The following TMEM184B variants were observed in gnomAD, a reference collection of about 807,000 sequenced individuals.
TMEM184B encodes the protein putative MAPK-activating protein FM08.
Under a neutral mutation model 41.8 loss-of-function variants are expected in TMEM184B, and 17 were observed. That is an observed-to-expected ratio of 0.41 (90% CI 0.28 to 0.61). The LOEUF is 0.61. TMEM184B is among the 20% of genes least tolerant of loss of function. TMEM184B has a pLI of 0.34. For missense variants in TMEM184B, 393 were observed against 557.8 expected, an observed-to-expected ratio of 0.70 and a Z score of 2.98; for synonymous variants, 240 against 229.5, an observed-to-expected ratio of 1.05 and a Z score of -0.41.
At chr22:38,263,509 C>T (rs1378148626) in intron 1 of TMEM184B, among the ~76,000 whole-genome samples, 2 of 152,310 alleles carry the variant, frequency 1.3e-5, no homozygotes, top group African/African-American at 2.4e-5. Flanking sequence ...ATTATGGCCA[C>T]GCGGTATCCC....
chr22:38,264,796 C>G (rs570073525), intron 1 of TMEM184B, among the ~76,000 whole-genome samples: 1 of 152,240 alleles, frequency 6.6e-6, no homozygotes, highest in South Asian at 2.1e-4. Context: ...AGTCTTCTGC[C>G]CCCGGCCGAG....
chr22:38,246,210 C>G lies in TMEM184B; in HGVS notation c.193-110G>C. On this transcript the variant is annotated intron_variant, in intron 2 of 8. Coordinates refer to ENST00000361906, the MANE Select transcript of TMEM184B (RefSeq NM_012264.5). ...CTCATCTGTGACCCGATGCACGTGA[C>G]CTACCCCTGAGCCTCAGAGCCCTGC... 2.2e-6 allele frequency: 3 copies of G among 1,351,170 alleles called. No individual in the cohort carries two copies. The Admixed American group carries it at 6.6e-5, about 30-fold the overall frequency. The allele number at this position is 1,351,170 out of a possible 1,614,324, so 83.7% of individuals were successfully genotyped here.
intron 1 of TMEM184B, among the ~76,000 whole-genome samples, chr22:38,249,577 T>C (rs1457557703): frequency 6.6e-6 from 1 of 152,168 alleles, no homozygotes; most frequent in Non-Finnish European, 1.5e-5. Flanking sequence ...AGAGCTGCCA[T>C]GCCCCTTCTA....
intron 3 of TMEM184B, among the ~76,000 whole-genome samples, chr22:38,236,197 C>A (rs1033848798): frequency 6.6e-6 from 1 of 152,202 alleles, no homozygotes; most frequent in Admixed American, 6.5e-5. Flanking sequence ...ACTCCTCCAT[C>A]GTTGGAATGA....
At position 38,219,565 on chromosome 22, in the gene TMEM184B, G is replaced by A. The variant is rs2091202915; in HGVS notation, c.*1904C>T. 6 of 978,412 alleles carry A rather than the reference G, an allele frequency of 6.1e-6. No homozygotes were observed. Among genetic ancestry groups the A allele is most frequent in the Non-Finnish European group, 7.3e-6 (6 of 823,506 alleles). The allele number at this position is 978,412 out of a possible 1,614,324, so 60.6% of individuals were successfully genotyped here. A position where few individuals can be genotyped will look rare whatever the true frequency, so the allele number is the denominator to read the frequency against. On this transcript the variant is annotated 3_prime_UTR_variant, in exon 9 of 9. Coordinates refer to ENST00000361906, the MANE Select transcript of TMEM184B (RefSeq NM_012264.5). ...AGACAAGGTAGGTTATGCATCCTAAGGAGGAGGAGGGGATGGAGCGGTCGG... is the reference window on the plus strand; with the variant it reads ...AGACAAGGTAGGTTATGCATCCTAAAGAGGAGGAGGGGATGGAGCGGTCGG...
intron 1 of TMEM184B, among the ~76,000 whole-genome samples, chr22:38,270,906 G>A (rs2092512308): frequency 6.6e-6 from 1 of 152,140 alleles, no homozygotes; most frequent in African/African-American, 2.4e-5. Flanking sequence ...AGACAGAGAG[G>A]GAGCAAACAG....
rs1215391456 is a variant in TMEM184B, at chr22:38,220,894, C to T, written c.*575G>A. Reference sequence around the variant, plus strand: ...GGGGCCTGTGACTCCTGGTGTCTGGCTCTGATCCTTGCAGCATGCCACAGA... The same window carrying T: ...GGGGCCTGTGACTCCTGGTGTCTGGTTCTGATCCTTGCAGCATGCCACAGA... On this transcript the variant is annotated 3_prime_UTR_variant, in exon 9 of 9. Transcript: ENST00000361906. The T allele has an allele frequency of 3.0e-6, 3 of 986,424 alleles. No homozygotes were observed. Among genetic ancestry groups the T allele is most frequent in the Admixed American group, 6.1e-5 (1 of 16,310 alleles). The allele number at this position is 986,424 out of a possible 1,614,324, so 61.1% of individuals were successfully genotyped here.
At position 38,219,589 on chromosome 22, in the gene TMEM184B, G is replaced by T. The variant is rs1006434863; in HGVS notation, c.*1880C>A. ...AGGAGGAGGAGGGGATGGAGCGGTC[G>T]GGCACATGTTCCCGTCCCCACGACC... On this transcript the variant is annotated 3_prime_UTR_variant, in exon 9 of 9. Transcript: ENST00000361906. 1 of 984,968 alleles carries T rather than the reference G, an allele frequency of 1.0e-6. No homozygotes were observed. The highest frequency in any genetic ancestry group is 1.2e-6 in the Non-Finnish European group (1 of 829,874). 61.0% of individuals were successfully genotyped at this position (984,968 alleles called of 1,614,324 possible). A position where few individuals can be genotyped will look rare whatever the true frequency, so the allele number is the denominator to read the frequency against.
chr22:38,225,665 A>G lies in TMEM184B; in HGVS notation c.618-72T>C. On this transcript the variant is annotated intron_variant, in intron 6 of 8. Transcript: ENST00000361906. The surrounding 1 kb of genome is among the most constrained non-coding windows in gnomAD (Gnocchi z 4.4). ...AAGGGGCTCTCCTCGACTGCACCAC[A>G]CACAGTCCCCATGGCTCTCAGCCCC... The G allele has an allele frequency of 1.4e-6, 2 of 1,478,792 alleles. No homozygotes were observed. The highest frequency in any genetic ancestry group is 1.8e-6 in the Non-Finnish European group (2 of 1,112,568). The allele number at this position is 1,478,792 out of a possible 1,614,324, so 91.6% of individuals were successfully genotyped here. A position where few individuals can be genotyped will look rare whatever the true frequency, so the allele number is the denominator to read the frequency against.
intron 3 of TMEM184B, among the ~76,000 whole-genome samples, chr22:38,243,844 T>C (rs2091966878): frequency 6.6e-6 from 1 of 152,158 alleles, no homozygotes; most frequent in Non-Finnish European, 1.5e-5. Flanking sequence ...TGGGCATGGC[T>C]GCACCCCATC....
intron 2 of TMEM184B, chr22:38,246,764 A>G: frequency 2.5e-6 from 3 of 1,201,672 alleles, no homozygotes; most frequent in South Asian, 3.0e-5. Flanking sequence ...GAAGCAGAGG[A>G]AAAAAGTAAA....
chr22:38,245,911 T>G, intron 3 of TMEM184B, 24 bp downstream of exon 3: 1 of 585,422 alleles, frequency 1.7e-6, no homozygotes, highest in Non-Finnish European at 2.6e-6. Flanking sequence ...CCGCCAGCCC[T>G]CCCCACTCCG....
intron 1 of TMEM184B, among the ~76,000 whole-genome samples, chr22:38,271,247 A>G (rs1048401293): frequency 1.6e-4 from 24 of 152,316 alleles, no homozygotes; most frequent in Non-Finnish European, 3.1e-4. Context: ...CCCATTGATC[A>G]TCAGACCGCT....
At chr22:38,227,539 C>A (rs778050130) in intron 5 of TMEM184B, among the ~76,000 whole-genome samples, 1 of 152,150 alleles carries the variant, frequency 6.6e-6, no homozygotes, top group Non-Finnish European at 1.5e-5. Context: ...TAGCCCTACT[C>A]TCTGGGCCTG....
At chr22:38,237,155 T>A (rs1396161108) in intron 3 of TMEM184B, among the ~76,000 whole-genome samples, 1 of 152,164 alleles carries the variant, frequency 6.6e-6, no homozygotes, top group Non-Finnish European at 1.5e-5. Context: ...TGTAAGGCTC[T>A]ACATGTTCAC....
intron 8 of TMEM184B, chr22:38,222,301 G>T (rs1195317335): frequency 6.5e-6 from 1 of 153,978 alleles, no homozygotes; most frequent in Admixed American, 6.4e-5. Context: ...CAGAAAGGTG[G>T]CCCAGGACAC....
intron 1 of TMEM184B, among the ~76,000 whole-genome samples, chr22:38,262,109 AC>A: frequency 6.6e-6 from 1 of 152,368 alleles, no homozygotes; most frequent in Admixed American, 6.5e-5. Context: ...ACTACAGGCA[AC>A]CTGGATGATC....
intron 1 of TMEM184B, among the ~76,000 whole-genome samples, chr22:38,250,102 C>T (rs534784933): frequency 2.6e-5 from 4 of 152,340 alleles, no homozygotes; most frequent in Admixed American, 2.0e-4. Flanking sequence ...CTCATGGTCC[C>T]TTCCAAATTC....
chr22:38,255,718 C>T (rs1056739285), intron 1 of TMEM184B, among the ~76,000 whole-genome samples: 1 of 152,208 alleles, frequency 6.6e-6, no homozygotes, highest in Non-Finnish European at 1.5e-5. Context: ...ATTACTGATA[C>T]ACACAAGTGA....
Sources: gnomAD v4.1 joint callset for allele counts (sites outside exome capture counted in the v4.1 genomes callset) on GRCh38, gnomAD v4.1.1 for gene constraint, Gnocchi (gnomAD v3.1) non-coding constraint, MANE v1.5 for transcripts, NCBI Gene and HGNC (gene_info 2026-07-23, HGNC 2026-07-21) for gene names.